The following LPA variants were observed in gnomAD, a reference collection of about 807,000 sequenced individuals.
LPA encodes apolipoprotein(a).
LPA carries 199 observed loss-of-function variants against 197.9 expected under a neutral mutation model. That is an observed-to-expected ratio of 1.01 (90% confidence interval 0.90 to 1.13). The LOEUF is 1.13. Among genes scored for constraint, LPA ranks in the 50% most tolerant of loss-of-function variants. The pLI, the probability that LPA is intolerant of heterozygous loss-of-function variation, is 0.00. For missense variants in LPA, 1,853 were observed against 1,785.8 expected, an observed-to-expected ratio of 1.04 and a Z score of -0.68; for synonymous variants, 715 against 639.5, an observed-to-expected ratio of 1.12 and a Z score of -1.78.
At position 160,575,239 on chromosome 6, in the gene LPA, A is replaced by T. The variant is rs567582822; in HGVS notation, c.4631+1897T>A. On this transcript the variant is annotated intron_variant, in intron 28 of 38. Coordinates refer to ENST00000316300, the MANE Select transcript of LPA (RefSeq NM_005577.4). ...GTTTTCAGCCATCATTGCTTCAGGCATTTTTTCTGTTCAAGTATCTCTTTC... is the reference window on the plus strand; with the variant it reads ...GTTTTCAGCCATCATTGCTTCAGGCTTTTTTTCTGTTCAAGTATCTCTTTC... Among the ~76,000 whole-genome samples, 7 of 152,096 alleles carry T rather than the reference A, an allele frequency of 4.6e-5. No homozygotes were observed. The East Asian group carries it at 1.4e-3, about 29-fold the overall frequency.
At chr6:160,541,471 T>C (rs7767084) in intron 34 of LPA, among the ~76,000 whole-genome samples, 21,003 of 152,170 alleles carry the variant, frequency 0.14, 1,912 homozygotes, top group East Asian at 0.29. Flanking sequence ...TCTATAGCTG[T>C]GGCTTTCACC....
chr6:160,550,509 G>A (rs1233874623), intron 30 of LPA, among the ~76,000 whole-genome samples: 1 of 152,202 alleles, frequency 6.6e-6, no homozygotes, highest in African/African-American at 2.4e-5. Context: ...ATATGAGGGA[G>A]GTTATTGATC....
chr6:160,608,215 T>C (rs983554340), intron 16 of LPA, among the ~76,000 whole-genome samples: 3 of 152,174 alleles, frequency 2.0e-5, no homozygotes, highest in African/African-American at 7.2e-5. Flanking sequence ...ATTCTTCTTC[T>C]ACCTAATTCC....
chr6:160,599,654 T>C lies in LPA; in HGVS notation c.3133A>G (p.Thr1045Ala). The change falls in exon 20 of 39, where the codon ACT (threonine) becomes GCT (alanine). Residue 1045 changes from threonine (T) to alanine (A), a missense_variant. Thr to Ala is a moderately conservative substitution (Grantham distance 58). Around this residue, in one of 3 missense-constraint regions of LPA, gnomAD observed 1,737 missense variants for 1,504.4 expected, o/e 1.15. Transcript: ENST00000316300. ...SLEAFFEQAL[T>A]EETPGVQDCY... The stretch of plus-strand genomic sequence containing the variant: ...TCCTGTACCCCGGGGGTTTCCTCAG[T>C]CAGTGCTGAAATTAAAACAGAAGAC... The C allele has an allele frequency of 1.9e-6, 3 of 1,613,952 alleles. No homozygotes were observed. Among genetic ancestry groups the C allele is most frequent in the Non-Finnish European group, 2.5e-6 (3 of 1,179,920 alleles).
intron 33 of LPA, among the ~76,000 whole-genome samples, chr6:160,545,128 C>T (rs772583436): frequency 1.3e-5 from 2 of 151,954 alleles, no homozygotes; most frequent in Non-Finnish European, 2.9e-5. Flanking sequence ...ATGCATCCCA[C>T]GCTAGACAAA....
At chr6:160,648,418 C>T (rs1045381557) in intron 2 of LPA, among the ~76,000 whole-genome samples, 1 of 152,118 alleles carries the variant, frequency 6.6e-6, no homozygotes, top group Non-Finnish European at 1.5e-5. Flanking sequence ...AATTTTCAGC[C>T]ATCCTTGCTT....
intron 38 of LPA, 33 bp downstream of exon 38, chr6:160,532,498 G>A: frequency 1.3e-6 from 2 of 1,496,218 alleles, no homozygotes; most frequent in Non-Finnish European, 1.9e-6. Flanking sequence ...AGACGGGAGA[G>A]CACAAGACTT....
intron 23 of LPA, 116 bp from the exon 24 acceptor site, chr6:160,589,828 T>A: frequency 2.5e-6 from 3 of 1,178,566 alleles, no homozygotes; most frequent in Admixed American, 1.9e-5. Flanking sequence ...CATGCTCTGT[T>A]CTACATTAGT....
chr6:160,581,480 T>C (rs1325579052), intron 26 of LPA, among the ~76,000 whole-genome samples: 1 of 152,094 alleles, frequency 6.6e-6, no homozygotes, highest in Non-Finnish European at 1.5e-5. Flanking sequence ...TTTTAAATAT[T>C]TGTAGAGATG....
chr6:160,548,743 A>G, intron 30 of LPA, 84 bp from the exon 31 acceptor site: 1 of 1,362,522 alleles, frequency 7.3e-7, no homozygotes, highest in African/African-American at 1.4e-5. Context: ...TGTTCTAACA[A>G]AGTCTTAACA....
In LPA at chr6:160,599,656, A is replaced by C. The variant is rs1367531841; in HGVS notation, c.3131T>G (p.Leu1044Arg). 6.2e-7 allele frequency: 1 copy of C among 1,614,026 alleles called. No individual in the cohort carries two copies. Among genetic ancestry groups the C allele is most frequent in the Non-Finnish European group, 8.5e-7 (1 of 1,179,942 alleles). Residue 1044 changes from leucine to arginine, a missense_variant, in exon 20 of 39, where the codon CTG becomes CGG. This residue lies in a region of LPA where 1,737 missense variants were observed against 1,504.4 expected (regional missense o/e 1.15). Transcript: ENST00000316300. The stretch of plus-strand genomic sequence containing the variant: ...CTGTACCCCGGGGGTTTCCTCAGTC[A>C]GTGCTGAAATTAAAACAGAAGACAT... The part of the protein sequence containing the change: ...PSLEAFFEQA[L>R]TEETPGVQDC...
At chr6:160,551,850 T>C (rs2115006907) in intron 30 of LPA, among the ~76,000 whole-genome samples, 1 of 152,254 alleles carries the variant, frequency 6.6e-6, no homozygotes, top group East Asian at 1.9e-4. Flanking sequence ...TATATGTATG[T>C]GGGTCTGGTG....
intron 26 of LPA, among the ~76,000 whole-genome samples, chr6:160,582,488 C>T (rs1421010184): frequency 6.6e-6 from 1 of 151,738 alleles, no homozygotes; most frequent in African/African-American, 2.4e-5. Context: ...TTCTTCTTAC[C>T]ACTCTAAAGG....
At position 160,560,153 on chromosome 6, in the gene LPA, T is replaced by G. The variant is rs1389105054; in HGVS notation, c.4632-2582A>C. On this transcript the variant is annotated intron_variant, in intron 28 of 38. Transcript: ENST00000316300. ...TTTATGGCTGCATAGTATTCCACAG[T>G]GTATATGTGCCACATTTTCTTTATC... is the stretch of plus-strand genomic sequence containing the variant. Among the ~76,000 whole-genome samples the G allele has an allele frequency of 6.6e-5, 10 of 152,352 alleles. 1 individual carries two copies.
At chr6:160,586,191 C>T (rs575573013) in intron 25 of LPA, among the ~76,000 whole-genome samples, 2 of 152,212 alleles carry the variant, frequency 1.3e-5, no homozygotes, top group South Asian at 2.1e-4. Context: ...TAATATGATT[C>T]GTTTGATAAC....
At chr6:160,534,191 G>T (rs1183668753) in intron 37 of LPA, among the ~76,000 whole-genome samples, 1 of 152,184 alleles carries the variant, frequency 6.6e-6, no homozygotes, top group South Asian at 2.1e-4. Context: ...CGAGCATTGG[G>T]CATGGGATGC....
At chr6:160,578,072 A>G (rs1390402042) in intron 27 of LPA, among the ~76,000 whole-genome samples, 2 of 152,212 alleles carry the variant, frequency 1.3e-5, no homozygotes, top group African/African-American at 4.8e-5. Flanking sequence ...TAGAAAAATA[A>G]TGCAGTCTCC....
intron 28 of LPA, among the ~76,000 whole-genome samples, chr6:160,573,409 A>G (rs192582039): frequency 1.9e-4 from 28 of 151,006 alleles, no homozygotes; most frequent in African/African-American, 6.6e-4. Context: ...TGATTAGCTT[A>G]ATAACTAACC....
chr6:160,551,399 G>A (rs976259333), intron 30 of LPA, among the ~76,000 whole-genome samples: 1 of 152,188 alleles, frequency 6.6e-6, no homozygotes, highest in Non-Finnish European at 1.5e-5. Context: ...CCTCTGTTTA[G>A]TGAGTGGGAG....
Sources: gnomAD v4.1 joint callset for allele counts (sites outside exome capture counted in the v4.1 genomes callset) on GRCh38, gnomAD v4.1.1 for gene constraint, gnomAD v4.1.1 regional missense constraint, MANE v1.5 for transcripts, NCBI Gene and HGNC (gene_info 2026-07-23, HGNC 2026-07-21) for gene names.